SGSM2: variants seen among roughly 807,000 people sequenced by gnomAD.
SGSM2 encodes the protein small G protein signaling modulator 2, also known as RUN and TBC1 domain containing 1.
Under a neutral mutation model 126.6 loss-of-function variants are expected in SGSM2, and 89 were observed. The ratio of observed to expected loss-of-function variants is 0.70; its 90% confidence interval spans 0.59 to 0.84. The LOEUF (loss-of-function observed/expected upper bound fraction) is 0.84, where lower values mean the gene tolerates loss of function less well. SGSM2 is among the 40% of genes least tolerant of loss of function. The pLI is 0.00. For synonymous variants in SGSM2, 614 were observed against 574.3 expected, an observed-to-expected ratio of 1.07 and a Z score of -0.99; for missense variants, 1,404 against 1,416.6, an observed-to-expected ratio of 0.99 and a Z score of 0.14.
intron 12 of SGSM2, among the ~76,000 whole-genome samples, chr17:2,368,943 C>T (rs2065726350): frequency 6.6e-6 from 1 of 152,184 alleles, no homozygotes; most frequent in South Asian, 2.1e-4. Flanking sequence ...AAGCCTATCC[C>T]TGACTAGTCT....
Position 2,363,777 on chromosome 17 carries a change from A to G in SGSM2, c.807+178A>G. ...ACGCCCAGCCTTTAGTTGGCAGGGGACAGGAATGGCAGCCAGCAGGCGAGG... is the reference window on the plus strand; with the variant it reads ...ACGCCCAGCCTTTAGTTGGCAGGGGGCAGGAATGGCAGCCAGCAGGCGAGG... On this transcript the variant is annotated intron_variant, in intron 7 of 23. Transcript: ENST00000268989. The surrounding 1 kb of genome is among the most constrained non-coding windows in gnomAD (Gnocchi z 4.2). 9.7e-7 allele frequency: 1 copy of G among 1,026,180 alleles called. No homozygotes were observed. The highest frequency in any genetic ancestry group is 1.6e-5 in the African/African-American group (1 of 61,980). 63.6% of individuals were successfully genotyped at this position (1,026,180 alleles called of 1,614,324 possible). A position where few individuals can be genotyped will look rare whatever the true frequency, so the allele number is the denominator to read the frequency against.
Position 2,362,715 on chromosome 17 carries a change from A to ACT in SGSM2, c.459-121_459-120dup. On this transcript the variant is annotated intron_variant, in intron 4 of 23. Coordinates refer to ENST00000268989, the MANE Select transcript of SGSM2 (RefSeq NM_014853.3). The surrounding 1 kb of genome is among the most constrained non-coding windows in gnomAD (Gnocchi z 4.9). ...ACCTCACGAAGCCCAGTCCCTAAGGACTCACTGTTTCTTGATGACTGATCT... is the reference window on the plus strand; with the variant it reads ...ACCTCACGAAGCCCAGTCCCTAAGGACTCTCACTGTTTCTTGATGACTGATCT... 1.0e-6 allele frequency: 1 copy of ACT among 962,876 alleles called. No homozygotes were observed. The highest frequency in any genetic ancestry group is 1.6e-6 in the Non-Finnish European group (1 of 625,830). The allele number at this position is 962,876 out of a possible 1,614,324, so 59.6% of individuals were successfully genotyped here.
chr17:2,338,151 C>G (rs1257232499), intron 1 of SGSM2, among the ~76,000 whole-genome samples: 3 of 152,082 alleles, frequency 2.0e-5, no homozygotes, highest in African/African-American at 7.2e-5. Context: ...GCGGGCCGAG[C>G]TTCCCCACGT....
At chr17:2,365,807 C>T (rs139815201) in intron 11 of SGSM2, among the ~76,000 whole-genome samples, 2,151 of 145,704 alleles carry the variant, frequency 0.015, 47 homozygotes, top group African/African-American at 0.052. Context: ...AGTTTAATGG[C>T]GTGATCTCAG....
rs2065376060 is a variant in SGSM2, at chr17:2,362,779, T to C, written c.459-59T>C. Reference sequence around the variant, plus strand: ...GTGGGGATGTCCCTACCTGGTGAGCTTGACTGCCCTGGAATGAGCCCCGGA... The same window carrying C: ...GTGGGGATGTCCCTACCTGGTGAGCCTGACTGCCCTGGAATGAGCCCCGGA... On this transcript the variant is annotated intron_variant, in intron 4 of 23. Coordinates refer to ENST00000268989, the MANE Select transcript of SGSM2 (RefSeq NM_014853.3). This position sits in a 1 kb window ranked among gnomAD's most constrained non-coding sequence, Gnocchi z 4.9. 1.8e-5 allele frequency: 28 copies of C among 1,574,966 alleles called. No individual in the cohort carries two copies. The highest frequency in any genetic ancestry group is 6.7e-5 in the East Asian group (3 of 44,730).
At chr17:2,376,565 CG>C in intron 19 of SGSM2, 167 bp from the exon 20 acceptor site, 2 of 784,662 alleles carry the variant, frequency 2.5e-6, no homozygotes, top group East Asian at 5.0e-5. Flanking sequence ...GGGGGGGACC[CG>C]TGGGTTGTTC....
At chr17:2,370,454 T>G (rs1057152013) in intron 12 of SGSM2, among the ~76,000 whole-genome samples, 2 of 140,296 alleles carry the variant, frequency 1.4e-5, no homozygotes, top group African/African-American at 5.7e-5. Context: ...CTTCTGAGGC[T>G]GCAACTGGGC....
intron 2 of SGSM2, among the ~76,000 whole-genome samples, chr17:2,349,611 A>G (rs2064759410): frequency 6.6e-6 from 1 of 152,120 alleles, no homozygotes; most frequent in African/African-American, 2.4e-5. Context: ...AATATATATG[A>G]TGTCTAAAAT....
At chr17:2,371,927 A>C (rs1375529681) in intron 13 of SGSM2, 11 of 521,390 alleles carry the variant, frequency 2.1e-5, no homozygotes, top group Non-Finnish European at 3.8e-5. Flanking sequence ...CATTTTTCAC[A>C]TGAGGAAACG....
Position 2,379,987 on chromosome 17 carries a change from C to A in SGSM2, c.*467C>A. ...TCCCAGTATATTGTGCGTGCACCAG[C>A]CCCAGCTGGAGCAACCAAAACTGCT... On this transcript the variant is annotated 3_prime_UTR_variant, in exon 24 of 24. Coordinates refer to ENST00000268989, the MANE Select transcript of SGSM2 (RefSeq NM_014853.3). 3 of 1,381,720 alleles carry A rather than the reference C, an allele frequency of 2.2e-6. No individual in the cohort carries two copies. The highest frequency in any genetic ancestry group is 1.9e-6 in the Non-Finnish European group (2 of 1,069,542). The allele number at this position is 1,381,720 out of a possible 1,614,324, so 85.6% of individuals were successfully genotyped here.
intron 10 of SGSM2, 61 bp from the exon 11 acceptor site, chr17:2,365,154 T>G: frequency 1.3e-6 from 2 of 1,589,896 alleles, no homozygotes; most frequent in African/African-American, 1.3e-5. Context: ...AGCGGCCTTG[T>G]GTGGAACCCT....
In SGSM2 at chr17:2,337,766, C is replaced by G; in HGVS notation, c.57+21C>G. 1 of 1,509,420 alleles carries G rather than the reference C, an allele frequency of 6.6e-7. No individual in the cohort carries two copies. Among genetic ancestry groups the G allele is most frequent in the Non-Finnish European group, 8.9e-7 (1 of 1,123,294 alleles). The allele number at this position is 1,509,420 out of a possible 1,614,324, so 93.5% of individuals were successfully genotyped here. ...AGGAGGTAAAGTCGAGTCAAGAACC[C>G]CGGGGGGCTCGCGCCCTGGCCCGCG... On this transcript the variant is annotated intron_variant, in intron 1 of 23. Transcript: ENST00000268989. This position sits in a 1 kb window ranked among gnomAD's most constrained non-coding sequence, Gnocchi z 5.1.
chr17:2,378,087 C>A, intron 22 of SGSM2, 134 bp downstream of exon 22: 1 of 567,760 alleles, frequency 1.8e-6, no homozygotes, highest in Non-Finnish European at 3.2e-6. Context: ...AGAACCCTGG[C>A]CCCACCCAGC....
At chr17:2,345,461 T>C (rs1275955566) in intron 2 of SGSM2, among the ~76,000 whole-genome samples, 1 of 151,806 alleles carries the variant, frequency 6.6e-6, no homozygotes, top group Non-Finnish European at 1.5e-5. Context: ...CCAGGCGTGG[T>C]GGCGGGCGCC....
At chr17:2,345,461 T>A (rs1275955566) in intron 2 of SGSM2, among the ~76,000 whole-genome samples, 1 of 151,806 alleles carries the variant, frequency 6.6e-6, no homozygotes, top group African/African-American at 2.4e-5. Flanking sequence ...CCAGGCGTGG[T>A]GGCGGGCGCC....
At chr17:2,349,596 A>C (rs960492933) in intron 2 of SGSM2, among the ~76,000 whole-genome samples, 2 of 152,128 alleles carry the variant, frequency 1.3e-5, no homozygotes, top group Non-Finnish European at 2.9e-5. Context: ...CCTCTTTCAG[A>C]GATAAATATA....
In SGSM2 at chr17:2,375,527, GC is replaced by G; in HGVS notation, c.2140del (p.Gln714ArgfsTer55). 3 of 1,612,842 alleles carry G rather than the reference GC, an allele frequency of 1.9e-6. No homozygotes were observed. Among genetic ancestry groups the G allele is most frequent in the Non-Finnish European group, 2.5e-6 (3 of 1,179,500 alleles). On this transcript the variant is annotated frameshift_variant, in exon 18 of 24. Coordinates refer to ENST00000268989, the MANE Select transcript of SGSM2 (RefSeq NM_014853.3). LOFTEE classifies it high-confidence loss of function. ...CAGTGGATGATCTGGAACCCCCGGA[GC>G]CCCAGGACCCTGAAGATTCCAGACC... Reference protein sequence around the residue: ...ISVDDLEPPEPQDPEDSRPKP... With the variant: ...ISVDDLEPPEXQDPEDSRPKP...
intron 12 of SGSM2, among the ~76,000 whole-genome samples, chr17:2,368,671 C>T (rs1300085656): frequency 1.3e-5 from 2 of 151,552 alleles, no homozygotes; most frequent in African/African-American, 2.4e-5. Flanking sequence ...CCCTCCCTCC[C>T]AGCCCTTCCA....
In SGSM2 at chr17:2,372,371, G is replaced by T. The variant is rs1203308089; in HGVS notation, c.1671G>T (p.Thr557=). The T allele has an allele frequency of 1.3e-6, 2 of 1,589,860 alleles. No homozygotes were observed. The highest frequency in any genetic ancestry group is 4.5e-5 in the East Asian group (2 of 44,232). Reference sequence around the variant, plus strand: ...TGGCACACTGCCGCCACCTGTCCACGGTGCGGACCCACCTGTCGGCGCTGG... The same window carrying T: ...TGGCACACTGCCGCCACCTGTCCACTGTGCGGACCCACCTGTCGGCGCTGG... ...GWLAHCRHLS[T]VRTHLSALVH... Residue 557 remains threonine, a synonymous_variant, in exon 15 of 24, where the codon ACG becomes ACT. Transcript: ENST00000268989. This position sits in a 1 kb window ranked among gnomAD's most constrained non-coding sequence, Gnocchi z 6.0.
Sources: gnomAD v4.1 joint callset for allele counts (sites outside exome capture counted in the v4.1 genomes callset) on GRCh38, gnomAD v4.1.1 for gene constraint, Gnocchi (gnomAD v3.1) non-coding constraint, MANE v1.5 for transcripts, NCBI Gene and HGNC (gene_info 2026-07-23, HGNC 2026-07-21) for gene names.